The following ETV5 variants were observed in gnomAD, a reference collection of about 807,000 sequenced individuals.
ETV5 encodes ETS translocation variant 5.
In ETV5, 10 loss-of-function variants were observed where a neutral mutation model predicts 70.0. The ratio of observed to expected loss-of-function variants is 0.14; its 90% CI spans 0.09 to 0.24. The LOEUF (loss-of-function observed/expected upper bound fraction) is 0.24. Ranked by LOEUF, ETV5 falls within the 10% of genes least tolerant of loss-of-function variation. The pLI is 1.00. For missense variants in ETV5, 453 were observed against 651.2 expected (o/e 0.70, Z 3.31); for synonymous variants, 216 against 242.2 (o/e 0.89, Z 1.01).
intron 1 of ETV5, 145 bp from the exon 2 acceptor site, chr3:186,106,087 A>G: frequency 1.6e-6 from 1 of 606,980 alleles, no homozygotes; most frequent in Non-Finnish European, 2.9e-6. Flanking sequence ...CAAGCTTTAC[A>G]CACCAATGCC....
At chr3:186,106,362 G>C (rs77195939) in intron 1 of ETV5, among the ~76,000 whole-genome samples, 5,279 of 152,256 alleles carry the variant, frequency 0.035, 122 homozygotes, top group Non-Finnish European at 0.049. Flanking sequence ...CAGAGAAACT[G>C]GGTTTAAGTA....
chr3:186,063,564 C>T (rs913846117), intron 9 of ETV5, among the ~76,000 whole-genome samples: 1 of 152,182 alleles, frequency 6.6e-6, no homozygotes, highest in Non-Finnish European at 1.5e-5. Context: ...ACAGCATACA[C>T]CCTTGATATA....
At chr3:186,079,137 A>G in intron 7 of ETV5, 3 of 1,027,916 alleles carry the variant, frequency 2.9e-6, no homozygotes, top group Non-Finnish European at 3.5e-6. Flanking sequence ...CTATAAAAGA[A>G]GGCCACAAGC....
At chr3:186,084,536 G>C (rs1033412831) in intron 5 of ETV5, among the ~76,000 whole-genome samples, 7 of 152,092 alleles carry the variant, frequency 4.6e-5, no homozygotes, top group South Asian at 2.1e-4. Context: ...TGGATGTCGG[G>C]GGCCTATGAT....
intron 7 of ETV5, among the ~76,000 whole-genome samples, chr3:186,073,529 T>A (rs1005270583): frequency 6.6e-6 from 1 of 152,204 alleles, no homozygotes; most frequent in African/African-American, 2.4e-5. Context: ...GCCACTGGCC[T>A]ATACTGTTTC....
At position 186,054,632 on chromosome 3, in the gene ETV5, G is replaced by A. The variant is rs1370220845; in HGVS notation, c.1209+2443C>T. 6.6e-6 allele frequency among the ~76,000 whole-genome samples: 1 copy of A among 152,124 alleles called. No homozygotes were observed. The highest frequency in any genetic ancestry group is 1.5e-5 in the Non-Finnish European group (1 of 68,022). ...CCATGCACAGTGTAATGGATATTAT[G>A]GATAATTACCCAGAGTGCACTACTC... On this transcript the variant is annotated intron_variant, in intron 11 of 12. Transcript: ENST00000306376. The surrounding 1 kb of genome is among the most constrained non-coding windows in gnomAD (Gnocchi z 4.4).
At chr3:186,098,115 G>C (rs1003285796) in intron 5 of ETV5, among the ~76,000 whole-genome samples, 2 of 152,208 alleles carry the variant, frequency 1.3e-5, no homozygotes, top group African/African-American at 2.4e-5. Context: ...CCCTTCCTAG[G>C]ATTCAAATGG....
In ETV5 at chr3:186,048,513, G is replaced by T; in HGVS notation, c.*126C>A. 1.2e-6 allele frequency: 1 copy of T among 840,176 alleles called. No homozygotes were observed. Among genetic ancestry groups the T allele is most frequent in the Non-Finnish European group, 1.9e-6 (1 of 524,140 alleles). 52.0% of individuals were successfully genotyped at this position (840,176 alleles called of 1,614,324 possible). On this transcript the variant is annotated 3_prime_UTR_variant, in exon 13 of 13. Transcript: ENST00000306376. ...GGGTGCCAATCCAGAGACAGCTTGG[G>T]TTCTCCAGATAATACTCAAAGGGCA...
intron 5 of ETV5, among the ~76,000 whole-genome samples, chr3:186,104,737 A>G (rs1560057879): frequency 6.6e-6 from 1 of 150,750 alleles, no homozygotes; most frequent in African/African-American, 2.5e-5. Context: ...AAGCTTTGCA[A>G]TATTCTTTTT....
In ETV5 at chr3:186,057,441, C is replaced by G; in HGVS notation, c.1021G>C (p.Val341Leu). The G allele has an allele frequency of 6.2e-7, 1 of 1,614,132 alleles. No homozygotes were observed. Reference protein sequence around the residue: ...PRLYFDDTCVVPERLEGKVKQ... With the variant: ...PRLYFDDTCVLPERLEGKVKQ... ...TACTTACCTTCCAGTCTCTCAGGCA[C>G]AACACAAGTGTCGTCAAAGTATAAT... Residue 341 changes from valine (V) to leucine (L), a missense_variant, in exon 10 of 13, where the codon GTG becomes CTG. Val to Leu is a conservative substitution (Grantham distance 32). Around this residue, in one of 4 missense-constraint regions of ETV5, gnomAD observed 307 missense variants for 344.9 expected, o/e 0.89. Coordinates refer to ENST00000306376, the MANE Select transcript of ETV5 (RefSeq NM_004454.3). This position sits in a 1 kb window ranked among gnomAD's most constrained non-coding sequence, Gnocchi z 4.9.
chr3:186,087,505 C>G (rs75135487), intron 5 of ETV5, among the ~76,000 whole-genome samples: 21,247 of 152,170 alleles, frequency 0.14, 1,662 homozygotes, highest in African/African-American at 0.19. Flanking sequence ...AAAAAAGCAG[C>G]CTGGTCCTCA....
At chr3:186,069,876 G>A (rs1225842257) in intron 7 of ETV5, among the ~76,000 whole-genome samples, 1 of 152,034 alleles carries the variant, frequency 6.6e-6, no homozygotes, top group African/African-American at 2.4e-5. Context: ...GCACAATCTC[G>A]GCTCACTGCA....
At chr3:186,076,547 C>T (rs1713795294) in intron 7 of ETV5, 1 of 182,786 alleles carries the variant, frequency 5.5e-6, no homozygotes, top group East Asian at 9.0e-5. Context: ...CCCACCTCAG[C>T]CTCTCAAGTA....
At position 186,046,649 on chromosome 3, in the gene ETV5, T is replaced by G. The variant is rs1356904792; in HGVS notation, c.*1990A>C. ...CTACAGAGGATTATTGTCATATTGC[T>G]AAGACAGCATAAATCCATTCAAAAG... is the stretch of plus-strand genomic sequence containing the variant. On this transcript the variant is annotated 3_prime_UTR_variant, in exon 13 of 13. Coordinates refer to ENST00000306376, the MANE Select transcript of ETV5 (RefSeq NM_004454.3). 5.5e-6 allele frequency: 1 copy of G among 181,996 alleles called. No homozygotes were observed. Among genetic ancestry groups the G allele is most frequent in the Non-Finnish European group, 1.0e-5 (1 of 98,526 alleles). The allele number at this position is 181,996 out of a possible 1,614,324, so 11.3% of individuals were successfully genotyped here.
chr3:186,064,917 A>T (rs1713404195), intron 8 of ETV5, among the ~76,000 whole-genome samples: 1 of 152,130 alleles, frequency 6.6e-6, no homozygotes, highest in Non-Finnish European at 1.5e-5. Context: ...TGGTGGTCAC[A>T]TCTAATTTTG....
intron 1 of ETV5, among the ~76,000 whole-genome samples, chr3:186,107,669 C>T (rs1357848062): frequency 6.6e-6 from 1 of 152,166 alleles, no homozygotes; most frequent in Admixed American, 6.5e-5. Context: ...TGCCCCCCCA[C>T]CACCCGCGCC....
At chr3:186,084,583 A>T (rs1714012284) in intron 5 of ETV5, among the ~76,000 whole-genome samples, 1 of 152,166 alleles carries the variant, frequency 6.6e-6, no homozygotes, top group Non-Finnish European at 1.5e-5. Flanking sequence ...CGCATAACTT[A>T]GTGAGGCATC....
rs1413795942 is a variant in ETV5, at chr3:186,054,919, G to A, written c.1209+2156C>T. 6.6e-6 allele frequency among the ~76,000 whole-genome samples: 1 copy of A among 152,200 alleles called. No homozygotes were observed. Among genetic ancestry groups the A allele is most frequent in the Non-Finnish European group, 1.5e-5 (1 of 68,024 alleles). On this transcript the variant is annotated intron_variant, in intron 11 of 12. Transcript: ENST00000306376. The surrounding 1 kb of genome is among the most constrained non-coding windows in gnomAD (Gnocchi z 4.4). ...ACATTTGGAGCTTAGGGAAAGCTTG[G>A]GGACTTCAAGGTGGGGTGGAAAGCA... is the stretch of plus-strand genomic sequence containing the variant.
intron 5 of ETV5, among the ~76,000 whole-genome samples, chr3:186,101,445 A>G (rs1714456212): frequency 6.7e-6 from 1 of 150,268 alleles, no homozygotes; most frequent in Admixed American, 6.7e-5. Context: ...GAGCCTAAAT[A>G]TGTCAGTTTT....
Sources: gnomAD v4.1 joint callset for allele counts (sites outside exome capture counted in the v4.1 genomes callset) on GRCh38, gnomAD v4.1.1 for gene constraint, gnomAD v4.1.1 regional missense constraint, Gnocchi (gnomAD v3.1) non-coding constraint, MANE v1.5 for transcripts, NCBI Gene and HGNC (gene_info 2026-07-23, HGNC 2026-07-21) for gene names.